The following MANBA variants were observed in gnomAD, a reference collection of about 807,000 sequenced individuals.
MANBA encodes the protein beta-mannosidase.
In MANBA, 83 loss-of-function variants were observed where a neutral mutation model predicts 111.1. The observed-to-expected ratio is 0.75, with a 90% CI of 0.63 to 0.90. The LOEUF is 0.90. Ranked by LOEUF, MANBA falls within the 40% of genes least tolerant of loss-of-function variation. MANBA has a pLI of 0.00. For synonymous variants in MANBA, 370 were observed against 378.7 expected, an observed-to-expected ratio of 0.98 and a Z score of 0.27; for missense variants, 1,036 against 1,069.0, an observed-to-expected ratio of 0.97 and a Z score of 0.43.
Position 102,634,797 on chromosome 4 carries a change from C to T in MANBA, c.2406G>A (p.Ala802=), listed in dbSNP as rs758859697. ...CATGACCTGTGCTTACAGTGATCTG[C>T]GCCTTGCAGAGCCCCACGGCCTCCT... ...SPKEAVGLCK[A]QITAIISQQG... is the part of the protein sequence containing the mutation. Residue 802 remains alanine (A), a synonymous_variant, in exon 16 of 17, where the codon GCG becomes GCA. Coordinates refer to ENST00000647097, the MANE Select transcript of MANBA (RefSeq NM_005908.4). 2.4e-5 allele frequency: 38 copies of T among 1,613,626 alleles called. No individual in the cohort carries two copies. Among genetic ancestry groups the T allele is most frequent in the Admixed American group, 6.7e-5 (4 of 60,030 alleles).
Position 102,631,322 on chromosome 4 carries a change from G to T in MANBA, c.*735C>A. 6.4e-6 allele frequency: 1 copy of T among 156,260 alleles called. No homozygotes were observed. The highest frequency in any genetic ancestry group is 1.4e-5 in the Non-Finnish European group (1 of 71,154). The allele number at this position is 156,260 out of a possible 1,614,324, so 9.7% of individuals were successfully genotyped here. ...TGGTCCATTCTATAACCAATTACATGACTGTTTCCAGAGAAAACCTTTCAC... is the reference window on the plus strand; with the variant it reads ...TGGTCCATTCTATAACCAATTACATTACTGTTTCCAGAGAAAACCTTTCAC... On this transcript the variant is annotated 3_prime_UTR_variant, in exon 17 of 17. Coordinates refer to ENST00000647097, the MANE Select transcript of MANBA (RefSeq NM_005908.4).
chr4:102,694,521 C>T (rs969576465), intron 5 of MANBA, among the ~76,000 whole-genome samples: 1 of 152,254 alleles, frequency 6.6e-6, no homozygotes, highest in Non-Finnish European at 1.5e-5. Context: ...TAGAATACAG[C>T]TTCCTATCAT....
intron 4 of MANBA, among the ~76,000 whole-genome samples, chr4:102,721,464 G>A (rs1008568651): frequency 2.6e-5 from 4 of 152,164 alleles, no homozygotes; most frequent in African/African-American, 9.7e-5. Context: ...AAAGATATTT[G>A]TACACCCATG....
At chr4:102,715,545 G>A (rs1722286793) in intron 4 of MANBA, among the ~76,000 whole-genome samples, 1 of 151,926 alleles carries the variant, frequency 6.6e-6, no homozygotes, top group Admixed American at 6.6e-5. Context: ...TTGTTATATA[G>A]GTAAACTTGT....
chr4:102,698,958 T>C (rs1374126932), intron 5 of MANBA, among the ~76,000 whole-genome samples: 1 of 152,236 alleles, frequency 6.6e-6, no homozygotes, highest in Non-Finnish European at 1.5e-5. Flanking sequence ...AGTATGGCCA[T>C]TTTCACAATA....
At chr4:102,742,338 C>T (rs113552401) in intron 1 of MANBA, among the ~76,000 whole-genome samples, 4,881 of 152,238 alleles carry the variant, frequency 0.032, 226 homozygotes, top group African/African-American at 0.1. Context: ...TAGTGGATCA[C>T]TAGGGGTGAT....
Position 102,729,935 on chromosome 4 carries a change from C to T in MANBA, c.178-3252G>A, listed in dbSNP as rs527886466. 7.4e-6 allele frequency: 10 copies of T among 1,346,748 alleles called. No individual in the cohort carries two copies. The South Asian group carries it at 1.0e-4, about 14-fold the overall frequency. 83.4% of individuals were successfully genotyped at this position (1,346,748 alleles called of 1,614,324 possible). A position where few individuals can be genotyped will look rare whatever the true frequency, so the allele number is the denominator to read the frequency against. On this transcript the variant is annotated intron_variant, in intron 1 of 16. Transcript: ENST00000647097. ...GCACAGCCTGGATGTTGGGGTCCAC[C>T]TCCAGGTTAAGGGGGCTCAGCAGGC...
At chr4:102,632,415 A>G in intron 16 of MANBA, 134 bp from the exon 17 acceptor site, 1 of 717,102 alleles carries the variant, frequency 1.4e-6, no homozygotes, top group South Asian at 1.6e-5. Context: ...TACAACTGCT[A>G]AAGTGCAGTT....
At chr4:102,755,679 C>T (rs1723983059) in intron 1 of MANBA, among the ~76,000 whole-genome samples, 4 of 152,190 alleles carry the variant, frequency 2.6e-5, no homozygotes, top group South Asian at 2.1e-4. Flanking sequence ...TCAGAGTGAA[C>T]AGGCAACCTA....
intron 13 of MANBA, among the ~76,000 whole-genome samples, chr4:102,640,229 AT>A (rs1202867282): frequency 1.3e-5 from 2 of 152,238 alleles, no homozygotes; most frequent in African/African-American, 4.8e-5. Flanking sequence ...TCACTGAAAA[AT>A]TTTGCTAATA....
chr4:102,706,209 G>A (rs549452118), intron 5 of MANBA, among the ~76,000 whole-genome samples: 8 of 152,294 alleles, frequency 5.3e-5, no homozygotes, highest in African/African-American at 1.7e-4. Context: ...CCCAAGGACA[G>A]GCACACTCAG....
rs544558416 is a variant in MANBA at position 102,759,806 on chromosome 4, C to G, written c.177+912G>C. On this transcript the variant is annotated intron_variant, in intron 1 of 16. Coordinates refer to ENST00000647097, the MANE Select transcript of MANBA (RefSeq NM_005908.4). ...TTTCCATTTAGTTGCTGTCACCTTC[C>G]TAATTTCTCTGTGTTCCATAATTCC... is the stretch of plus-strand genomic sequence containing the variant. Among the ~76,000 whole-genome samples the G allele has an allele frequency of 2.6e-5, 4 of 152,250 alleles. No individual in the cohort carries two copies. The East Asian group carries it at 7.7e-4, about 29-fold the overall frequency.
At chr4:102,723,826 TA>T in intron 3 of MANBA, 35 bp downstream of exon 3, 1 of 1,213,902 alleles carries the variant, frequency 8.2e-7, no homozygotes, top group Non-Finnish European at 1.2e-6. Flanking sequence ...TAAACACACA[TA>T]AATTTTTTTT....
intron 4 of MANBA, among the ~76,000 whole-genome samples, chr4:102,718,135 G>C (rs1722414911): frequency 6.6e-6 from 1 of 152,204 alleles, no homozygotes; most frequent in African/African-American, 2.4e-5. Flanking sequence ...GAGAGAAAAA[G>C]GAGAGAAAGG....
At chr4:102,675,802 A>C (rs573802865) in intron 7 of MANBA, among the ~76,000 whole-genome samples, 1 of 152,158 alleles carries the variant, frequency 6.6e-6, no homozygotes, top group African/African-American at 2.4e-5. Flanking sequence ...GTGAAATCCT[A>C]TCTCTACTAA....
intron 7 of MANBA, among the ~76,000 whole-genome samples, chr4:102,682,235 C>G (rs1474216070): frequency 6.6e-6 from 1 of 151,046 alleles, no homozygotes; most frequent in East Asian, 1.9e-4. Flanking sequence ...TGTGCCAAAT[C>G]TAAGCATACA....
intron 13 of MANBA, among the ~76,000 whole-genome samples, chr4:102,640,852 G>A (rs1043640121): frequency 6.6e-6 from 1 of 152,184 alleles, no homozygotes; most frequent in Non-Finnish European, 1.5e-5. Flanking sequence ...TGACTTACAT[G>A]AGTCACAGCC....
intron 1 of MANBA, among the ~76,000 whole-genome samples, chr4:102,748,707 G>A (rs1244920854): frequency 1.3e-5 from 2 of 152,138 alleles, no homozygotes; most frequent in Non-Finnish European, 2.9e-5. Context: ...AAGGTCAGGA[G>A]TTCGAGACCA....
intron 1 of MANBA, among the ~76,000 whole-genome samples, chr4:102,749,548 G>C (rs1723710815): frequency 1.3e-5 from 2 of 152,272 alleles, no homozygotes; most frequent in South Asian, 4.1e-4. Flanking sequence ...TAAAATAACT[G>C]TTCCATTTGT....
Sources: allele counts gnomAD v4.1 joint callset (sites outside exome capture counted in the v4.1 genomes callset), GRCh38; gene constraint gnomAD v4.1.1; transcripts MANE v1.5; gene names NCBI Gene and HGNC (gene_info 2026-07-23, HGNC 2026-07-21).